The following ZNF444 variants were observed in gnomAD, a reference collection of about 807,000 sequenced individuals.
The protein encoded by ZNF444 is zinc finger protein 444.
ZNF444 carries 8 observed loss-of-function variants against 14.4 expected under a neutral mutation model. The observed-to-expected ratio is 0.56, with a 90% CI of 0.33 to 1.00. The LOEUF (loss-of-function observed/expected upper bound fraction) is 1.00. ZNF444 is among the 50% of genes least tolerant of loss of function. The pLI, the probability that ZNF444 is intolerant of heterozygous loss-of-function variation, is 0.03. For missense variants in ZNF444, 510 were observed against 504.8 expected (o/e 1.01, Z -0.10); for synonymous variants, 258 against 235.9 (o/e 1.09, Z -0.86).
intron 1 of ZNF444, among the ~76,000 whole-genome samples, chr19:56,143,758 T>C (rs1044430855): frequency 2.6e-5 from 4 of 152,126 alleles, no homozygotes; most frequent in African/African-American, 9.7e-5. Context: ...CACACAGATA[T>C]CGTAACACTA....
intron 3 of ZNF444, among the ~76,000 whole-genome samples, chr19:56,152,494 T>C (rs1019009987): frequency 2.0e-5 from 3 of 151,322 alleles, no homozygotes; most frequent in African/African-American, 7.3e-5. Flanking sequence ...TTTTTTTTTT[T>C]TTTTTAATAG....
intron 1 of ZNF444, chr19:56,143,191 T>C (rs2030944881): frequency 6.6e-6 from 1 of 152,326 alleles, no homozygotes; most frequent in South Asian, 2.1e-4. Context: ...CTTAACAGCA[T>C]GTGCTTTCTT....
intron 3 of ZNF444, chr19:56,151,800 G>A (rs2031593081): frequency 2.2e-6 from 1 of 454,486 alleles, no homozygotes; most frequent in African/African-American, 2.0e-5. Context: ...GCTGACATCT[G>A]GGGGCGCTGC....
rs1393515080 is a variant in ZNF444 at position 56,160,371 on chromosome 19, C to T, written c.*170C>T. Reference sequence around the variant, plus strand: ...ACGCCTTCCTATTCCTTTCCAACTCCTTTTCCCCCAAATTTCACTTTCCTT... The same window carrying T: ...ACGCCTTCCTATTCCTTTCCAACTCTTTTTCCCCCAAATTTCACTTTCCTT... On this transcript the variant is annotated 3_prime_UTR_variant, in exon 5 of 5. Transcript: ENST00000337080. The T allele has an allele frequency of 1.5e-5, 8 of 538,378 alleles. No homozygotes were observed. Among genetic ancestry groups the T allele is most frequent in the Non-Finnish European group, 2.5e-5 (8 of 322,234 alleles). The allele number at this position is 538,378 out of a possible 1,614,324, so 33.4% of individuals were successfully genotyped here. A position where few individuals can be genotyped will look rare whatever the true frequency, so the allele number is the denominator to read the frequency against.
At chr19:56,148,976 A>G (rs942326376) in intron 3 of ZNF444, among the ~76,000 whole-genome samples, 4 of 152,054 alleles carry the variant, frequency 2.6e-5, no homozygotes, top group African/African-American at 9.7e-5. Context: ...TCCTCGGCTC[A>G]TGGCCCTTCC....
At chr19:56,155,639 G>C (rs2031860168) in intron 3 of ZNF444, 1 of 152,508 alleles carries the variant, frequency 6.6e-6, no homozygotes, top group East Asian at 1.9e-4. Context: ...TGCAGGGTCC[G>C]TCCTGGGTAC....
Position 56,145,838 on chromosome 19 carries a change from A to G in ZNF444, c.-196-409A>G, listed in dbSNP as rs1318775653. On this transcript the variant is annotated intron_variant, in intron 1 of 4. Coordinates refer to ENST00000337080, the MANE Select transcript of ZNF444 (RefSeq NM_018337.4). This position sits in a 1 kb window ranked among gnomAD's most constrained non-coding sequence, Gnocchi z 4.3. ...TCAGTTCTGGGAGCGGGAAGCTCAG[A>G]ATGCCATCATGGTCAGTTCCTGGTG... Among the ~76,000 whole-genome samples the G allele has an allele frequency of 6.6e-6, 1 of 152,158 alleles. No homozygotes were observed. The highest frequency in any genetic ancestry group is 2.4e-5 in the African/African-American group (1 of 41,432).
At chr19:56,153,373 C>T (rs1479304510) in intron 3 of ZNF444, among the ~76,000 whole-genome samples, 2 of 152,104 alleles carry the variant, frequency 1.3e-5, no homozygotes, top group East Asian at 3.8e-4. Context: ...AGTGATGTGT[C>T]CCTGGAGCTC....
chr19:56,136,791 T>G (rs2030621620), upstream of ZNF444, among the ~76,000 whole-genome samples: 1 of 152,050 alleles, frequency 6.6e-6, no homozygotes, highest in African/African-American at 2.4e-5. Context: ...TTTCTTTTTT[T>G]CTTTTTTTAG....
rs139218293 is a variant in ZNF444, at chr19:56,148,009, C to T, written c.297+801C>T. ...GCTGGAAGTGTTGACTGCCTGGCCC[C>T]GTCAGGGAAGTTGCCAGCCTGGCTT... On this transcript the variant is annotated intron_variant, in intron 3 of 4. Coordinates refer to ENST00000337080, the MANE Select transcript of ZNF444 (RefSeq NM_018337.4). Among the ~76,000 whole-genome samples the T allele has an allele frequency of 5.7e-3, 862 of 152,154 alleles. 8 individuals carry two copies. Among genetic ancestry groups the T allele is most frequent in the African/African-American group, 0.02 (811 of 41,512 alleles).
rs796254015 is a variant in ZNF444, at chr19:56,158,404, G to A, written c.298-90G>A. ...TGTGGCTTCCTCCCAGCAGGGATGG[G>A]ATTGCACAGCTGGTCGACGGTGGTT... is the stretch of plus-strand genomic sequence containing the variant. On this transcript the variant is annotated intron_variant, in intron 3 of 4. Coordinates refer to ENST00000337080, the MANE Select transcript of ZNF444 (RefSeq NM_018337.4). 4 of 1,229,254 alleles carry A rather than the reference G, an allele frequency of 3.3e-6. No homozygotes were observed. The African/African-American group carries it at 4.6e-5, about 14-fold the overall frequency. 76.1% of individuals were successfully genotyped at this position (1,229,254 alleles called of 1,614,324 possible).
chr19:56,140,987 C>T (rs776481560), upstream of ZNF444: 14 of 152,194 alleles, frequency 9.2e-5, no homozygotes, highest in Non-Finnish European at 1.6e-4. Context: ...GCCTGTCGCG[C>T]TCAGACAGCC....
intron 3 of ZNF444, chr19:56,151,915 G>C (rs1308865051): frequency 2.2e-6 from 1 of 456,862 alleles, no homozygotes; most frequent in Non-Finnish European, 4.4e-6. Flanking sequence ...TTGGCATCTG[G>C]TGTGTGGGTC....
chr19:56,147,200 G>C lies in ZNF444; in HGVS notation c.289G>C (p.Glu97Gln). 2 of 1,447,824 alleles carry C rather than the reference G, an allele frequency of 1.4e-6. No homozygotes were observed. The highest frequency in any genetic ancestry group is 5.7e-5 in the East Asian group (2 of 35,370). 89.7% of individuals were successfully genotyped at this position (1,447,824 alleles called of 1,614,324 possible). ...GGAGGAGGCGGTGGCCCTGCTGGAGGAGCTCTGGGTGAGCCTGGCGGGACT... is the reference window on the plus strand; with the variant it reads ...GGAGGAGGCGGTGGCCCTGCTGGAGCAGCTCTGGGTGAGCCTGGCGGGACT... ...SGEEAVALLE[E>Q]LWGPAASPDG... is the part of the protein sequence containing the mutation. Residue 97 changes from glutamate to glutamine, a missense_variant, in exon 3 of 5, where the codon GAG (glutamate) becomes CAG (glutamine). By Grantham distance (29) the Glu-to-Gln change is conservative. Coordinates refer to ENST00000337080, the MANE Select transcript of ZNF444 (RefSeq NM_018337.4). This position sits in a 1 kb window ranked among gnomAD's most constrained non-coding sequence, Gnocchi z 5.9.
chr19:56,159,560 A>C, intron 4 of ZNF444, 64 bp from the exon 5 acceptor site: 1 of 1,362,888 alleles, frequency 7.3e-7, no homozygotes, highest in Non-Finnish European at 9.6e-7. Context: ...CCTCCACCCC[A>C]GCCTGTGCTG....
chr19:56,159,011 TCCACCCATGCAC>T (rs2032087258), intron 4 of ZNF444, among the ~76,000 whole-genome samples: 1 of 151,454 alleles, frequency 6.6e-6, no homozygotes, highest in Admixed American at 6.6e-5. Context: ...CATCTACTCA[TCCACCCATGCAC>T]CCACCCATCC....
intron 3 of ZNF444, chr19:56,150,370 C>A: frequency 3.7e-6 from 1 of 268,798 alleles, no homozygotes; most frequent in Non-Finnish European, 7.3e-6. Context: ...CGGGAAATCA[C>A]CAGGCTCCAG....
upstream of ZNF444, among the ~76,000 whole-genome samples, chr19:56,139,439 G>T (rs1489424773): frequency 6.6e-6 from 1 of 152,164 alleles, no homozygotes; most frequent in East Asian, 1.9e-4. Flanking sequence ...TGCAATCACA[G>T]CATTTTGGGA....
At chr19:56,148,564 C>G (rs1029300092) in intron 3 of ZNF444, among the ~76,000 whole-genome samples, 1 of 152,054 alleles carries the variant, frequency 6.6e-6, no homozygotes, top group Non-Finnish European at 1.5e-5. Flanking sequence ...CCTTCTCATG[C>G]GGCCCGACCA....
Sources: allele counts gnomAD v4.1 joint callset (sites outside exome capture counted in the v4.1 genomes callset), GRCh38; gene constraint gnomAD v4.1.1; non-coding constraint Gnocchi (gnomAD v3.1); transcripts MANE v1.5; gene names NCBI Gene and HGNC (gene_info 2026-07-23, HGNC 2026-07-21).